ZC3HAV1: variants seen among roughly 807,000 people sequenced by gnomAD.
ZC3HAV1 encodes zinc finger CCCH-type containing, antiviral 1.
Under a neutral mutation model 86.6 loss-of-function variants are expected in ZC3HAV1, and 41 were observed. That is an observed-to-expected ratio of 0.47 (90% CI 0.37 to 0.61). The LOEUF is 0.61. Among genes scored for constraint, ZC3HAV1 ranks in the 20% least tolerant of loss-of-function variants. The probability of loss-of-function intolerance (pLI) is 0.00; values close to 1 mark genes in which losing one functional copy is unlikely to be tolerated. For missense variants in ZC3HAV1, 964 were observed against 1,141.1 expected (o/e 0.84, Z 2.24); for synonymous variants, 421 against 432.1 (o/e 0.97, Z 0.32).
chr7:139,100,322 G>C (rs1372870561), intron 1 of ZC3HAV1, among the ~76,000 whole-genome samples: 1 of 151,914 alleles, frequency 6.6e-6, no homozygotes, highest in East Asian at 1.9e-4. Context: ...ACGAGGTCAG[G>C]AGATCGAGAC....
At position 139,055,191 on chromosome 7, in the gene ZC3HAV1, G is replaced by T; in HGVS notation, c.2187+14C>A. The T allele has an allele frequency of 6.2e-7, 1 of 1,606,120 alleles. No homozygotes were observed. Among genetic ancestry groups the T allele is most frequent in the Non-Finnish European group, 8.5e-7 (1 of 1,174,574 alleles). On this transcript the variant is annotated intron_variant, in intron 10 of 12. Transcript: ENST00000242351. ...TTTAACAGACTCATCCACCAAACAT[G>T]TAAAACCAAGTACCTTATATTTCTT...
intron 1 of ZC3HAV1, among the ~76,000 whole-genome samples, chr7:139,107,601 G>C (rs1012261792): frequency 1.3e-5 from 2 of 152,142 alleles, no homozygotes; most frequent in East Asian, 3.9e-4. Flanking sequence ...TCAGGAGTTC[G>C]AGACCAGCCT....
chr7:139,063,489 A>T (rs1033197735), intron 8 of ZC3HAV1, among the ~76,000 whole-genome samples: 1 of 152,026 alleles, frequency 6.6e-6, no homozygotes, highest in Non-Finnish European at 1.5e-5. Context: ...TGGGAGGTTG[A>T]GGTGGGAGGA....
chr7:139,060,806 C>T, intron 9 of ZC3HAV1: 1 of 1,413,086 alleles, frequency 7.1e-7, no homozygotes, highest in Non-Finnish European at 9.3e-7. Context: ...AGGAGACTCG[C>T]TCAGACTTCC....
chr7:139,064,755 C>A, intron 8 of ZC3HAV1, 124 bp downstream of exon 8: 1 of 1,498,000 alleles, frequency 6.7e-7, no homozygotes, highest in Non-Finnish European at 9.1e-7. Flanking sequence ...TGCACTCCAC[C>A]GCCTTGCTAA....
intron 3 of ZC3HAV1, among the ~76,000 whole-genome samples, chr7:139,083,337 T>C (rs186243059): frequency 1.3e-5 from 2 of 152,140 alleles, no homozygotes; most frequent in East Asian, 3.9e-4. Context: ...GGTGTATACA[T>C]ATGCATGAAG....
At chr7:139,056,192 C>A (rs930836362) in intron 9 of ZC3HAV1, among the ~76,000 whole-genome samples, 6 of 152,036 alleles carry the variant, frequency 3.9e-5, no homozygotes, top group African/African-American at 1.4e-4. Flanking sequence ...ACTCTGTCAC[C>A]CAGGCTGAAG....
chr7:139,097,412 ATATATATATATATATAT>A lies in ZC3HAV1; in HGVS notation c.309-7670_309-7654del, dbSNP rs1817623693. Among the ~76,000 whole-genome samples the A allele has an allele frequency of 5.4e-5, 4 of 74,340 alleles. No individual in the cohort carries two copies. In the South Asian group the frequency reaches 2.1e-3, roughly 40 times the overall value. 48.8% of individuals were successfully genotyped at this position (74,340 alleles called of 152,430 possible). On this transcript the variant is annotated intron_variant, in intron 1 of 12. Transcript: ENST00000242351. ...AAATATTGGAACTCCATATATATAT[ATATATATATATATATAT>A]TTTTTTTTTTTTTTTTTTTCTTTGA...
intron 1 of ZC3HAV1, among the ~76,000 whole-genome samples, chr7:139,093,634 CAG>C (rs1449440093): frequency 6.6e-6 from 1 of 152,208 alleles, no homozygotes; most frequent in African/African-American, 2.4e-5. Context: ...CCCTGCCCGC[CAG>C]AGAACAACCC....
At chr7:139,101,677 G>A (rs1817776922) in intron 1 of ZC3HAV1, among the ~76,000 whole-genome samples, 1 of 150,732 alleles carries the variant, frequency 6.6e-6, no homozygotes, top group Admixed American at 6.6e-5. Flanking sequence ...AAATTCTTCT[G>A]CCTTGGGATG....
intron 7 of ZC3HAV1, among the ~76,000 whole-genome samples, chr7:139,065,572 A>G (rs1816575717): frequency 6.6e-6 from 1 of 152,184 alleles, no homozygotes; most frequent in African/African-American, 2.4e-5. Context: ...CAACTAACTG[A>G]AAATGCACTT....
intron 8 of ZC3HAV1, among the ~76,000 whole-genome samples, chr7:139,064,133 A>G (rs1356195186): frequency 1.3e-5 from 2 of 152,232 alleles, no homozygotes; most frequent in African/African-American, 4.8e-5. Flanking sequence ...TGTAAAAGCT[A>G]CGTCATCTAA....
intron 7 of ZC3HAV1, among the ~76,000 whole-genome samples, chr7:139,065,498 C>T (rs1816573077): frequency 6.6e-6 from 1 of 152,200 alleles, no homozygotes; most frequent in African/African-American, 2.4e-5. Context: ...ATATAAATAA[C>T]CTAACCCTCT....
At chr7:139,103,032 A>C (rs1817822020) in intron 1 of ZC3HAV1, among the ~76,000 whole-genome samples, 1 of 150,158 alleles carries the variant, frequency 6.7e-6, no homozygotes, top group Non-Finnish European at 1.5e-5. Context: ...AAAAACTTTA[A>C]AATTTGTTGT....
chr7:139,084,961 T>C (rs1172577119), intron 2 of ZC3HAV1, among the ~76,000 whole-genome samples: 1 of 152,200 alleles, frequency 6.6e-6, no homozygotes, highest in African/African-American at 2.4e-5. Context: ...AGCAATGATT[T>C]TGCCACATGG....
At position 139,084,035 on chromosome 7, in the gene ZC3HAV1, A is replaced by C; in HGVS notation, c.445-3T>G. 2 of 1,609,092 alleles carry C rather than the reference A, an allele frequency of 1.2e-6. No individual in the cohort carries two copies. On this transcript the variant is annotated splice_region_variant and splice_polypyrimidine_tract_variant and intron_variant, in intron 2 of 12. Transcript: ENST00000242351. ...TCTCCCTTATAACTTTTGCATATCT[A>C]CAGAAGGGAGAAACAACAGCCAGAG...
chr7:139,070,747 G>A (rs1305780946), intron 7 of ZC3HAV1, among the ~76,000 whole-genome samples: 2 of 151,302 alleles, frequency 1.3e-5, no homozygotes, highest in Non-Finnish European at 2.9e-5. Context: ...TTGGGAGGCA[G>A]AGGCAGGCAG....
chr7:139,077,722 C>T (rs896919740), intron 5 of ZC3HAV1, among the ~76,000 whole-genome samples: 4 of 152,192 alleles, frequency 2.6e-5, no homozygotes, highest in Admixed American at 1.3e-4. Flanking sequence ...TACAGGAAGA[C>T]AGAAGATAGT....
At chr7:139,080,420 G>A (rs746212894) in intron 3 of ZC3HAV1, among the ~76,000 whole-genome samples, 177 bp from the exon 4 acceptor site, 41 of 151,792 alleles carry the variant, frequency 2.7e-4, no homozygotes, top group Non-Finnish European at 5.6e-4. Context: ...GACACTGACG[G>A]TTTTTTTTGT....
Sources: allele counts gnomAD v4.1 joint callset (sites outside exome capture counted in the v4.1 genomes callset), GRCh38; gene constraint gnomAD v4.1.1; transcripts MANE v1.5; gene names NCBI Gene and HGNC (gene_info 2026-07-23, HGNC 2026-07-21).